Variants in PDE2A observed in about 807,000 individuals in gnomAD.
PDE2A encodes the protein phosphodiesterase 2A, also known as cGMP-dependent 3',5'-cyclic phosphodiesterase.
Under a neutral mutation model 133.6 loss-of-function variants are expected in PDE2A, and 53 were observed. The ratio of observed to expected loss-of-function variants is 0.40; its 90% confidence interval spans 0.32 to 0.50. PDE2A has a LOEUF of 0.50. Among genes scored for constraint, PDE2A ranks in the 20% least tolerant of loss-of-function variants. PDE2A has a pLI of 0.73. For missense variants in PDE2A, 796 were observed against 1,232.4 expected, an observed-to-expected ratio of 0.65 and a Z score of 5.30; for synonymous variants, 491 against 490.2, an observed-to-expected ratio of 1.00 and a Z score of -0.02.
intron 2 of PDE2A, among the ~76,000 whole-genome samples, chr11:72,620,635 G>T (rs777509347): frequency 6.6e-6 from 1 of 152,130 alleles, no homozygotes; most frequent in Non-Finnish European, 1.5e-5. Flanking sequence ...TCAGCTGCGG[G>T]TATGGACTCC....
intron 4 of PDE2A, among the ~76,000 whole-genome samples, chr11:72,604,045 G>T (rs1466931798): frequency 6.6e-6 from 1 of 152,232 alleles, no homozygotes; most frequent in Non-Finnish European, 1.5e-5. Flanking sequence ...CACCTGGCCT[G>T]CTGGAAAAGC....
intron 1 of PDE2A, among the ~76,000 whole-genome samples, chr11:72,654,222 G>C (rs1267931095): frequency 6.6e-6 from 1 of 152,210 alleles, no homozygotes; most frequent in Non-Finnish European, 1.5e-5. Context: ...GCTGGGACCA[G>C]GGGAGGCAGG....
intron 13 of PDE2A, among the ~76,000 whole-genome samples, chr11:72,586,532 G>A (rs368483433): frequency 3.3e-5 from 5 of 152,318 alleles, no homozygotes; most frequent in African/African-American, 1.2e-4. Context: ...GGGGAGGGGC[G>A]GTGGCACTGC....
intron 2 of PDE2A, among the ~76,000 whole-genome samples, chr11:72,613,092 C>T (rs1486270960): frequency 6.6e-6 from 1 of 152,146 alleles, no homozygotes; most frequent in Non-Finnish European, 1.5e-5. Flanking sequence ...GGGTTGGGGT[C>T]GCTGCCATAA....
At chr11:72,658,440 G>A (rs1854960261) in intron 1 of PDE2A, among the ~76,000 whole-genome samples, 1 of 152,042 alleles carries the variant, frequency 6.6e-6, no homozygotes, top group Non-Finnish European at 1.5e-5. Context: ...ACTCCCACCT[G>A]TGAGGCACCC....
At chr11:72,672,997 C>A (rs556277428) in intron 1 of PDE2A, among the ~76,000 whole-genome samples, 3 of 151,978 alleles carry the variant, frequency 2.0e-5, no homozygotes, top group Non-Finnish European at 2.9e-5. Flanking sequence ...CACACACACA[C>A]CAGCCACAGA....
intron 3 of PDE2A, among the ~76,000 whole-genome samples, chr11:72,606,370 T>G (rs1277008884): frequency 6.6e-6 from 1 of 152,126 alleles, no homozygotes. Context: ...TCAGTAAGTG[T>G]GGAATCCTTC....
chr11:72,606,883 T>C (rs1856992698), intron 3 of PDE2A, among the ~76,000 whole-genome samples: 1 of 152,140 alleles, frequency 6.6e-6, no homozygotes. Context: ...CCCTCTGGGT[T>C]AAAATTAGCT....
At chr11:72,591,486 G>T in intron 6 of PDE2A, 130 bp from the exon 7 acceptor site, 1 of 696,130 alleles carries the variant, frequency 1.4e-6, no homozygotes, top group Non-Finnish European at 2.6e-6. Context: ...GGGCCTCAGT[G>T]ATAACCCCAT....
rs1370971450 is a variant in PDE2A at position 72,590,041 on chromosome 11, A to G, written c.757-60T>C. On this transcript the variant is annotated intron_variant, in intron 9 of 30. Coordinates refer to ENST00000334456, the MANE Select transcript of PDE2A (RefSeq NM_002599.5). This position sits in a 1 kb window ranked among gnomAD's most constrained non-coding sequence, Gnocchi z 4.8. The stretch of plus-strand genomic sequence containing the variant: ...GCGGATCCGGGTCACCCCACTCCCC[A>G]CCTGCTCCCCTCTCCGGGGCTCTTC... 1.4e-5 allele frequency: 20 copies of G among 1,470,938 alleles called. No homozygotes were observed. Among genetic ancestry groups the G allele is most frequent in the Non-Finnish European group, 1.9e-5 (20 of 1,072,642 alleles). 91.1% of individuals were successfully genotyped at this position (1,470,938 alleles called of 1,614,324 possible). A position where few individuals can be genotyped will look rare whatever the true frequency, so the allele number is the denominator to read the frequency against.
intron 2 of PDE2A, among the ~76,000 whole-genome samples, chr11:72,614,912 G>C (rs184194724): frequency 6.6e-6 from 1 of 152,042 alleles, no homozygotes; most frequent in South Asian, 2.1e-4. Flanking sequence ...CACTCGCAGC[G>C]CAGGAGCCCA....
chr11:72,615,531 G>C (rs527321829), intron 2 of PDE2A, among the ~76,000 whole-genome samples: 70 of 152,216 alleles, frequency 4.6e-4, no homozygotes, highest in African/African-American at 1.6e-3. Context: ...GTGTGGGGAG[G>C]GGGAGGATGG....
chr11:72,660,649 G>A (rs1481727988), intron 1 of PDE2A, among the ~76,000 whole-genome samples: 1 of 152,120 alleles, frequency 6.6e-6, no homozygotes, highest in African/African-American at 2.4e-5. Context: ...AGAAGTAGAG[G>A]AGCAGAGATC....
rs139030579 is a variant in PDE2A at position 72,587,165 on chromosome 11, G to A, written c.1071-984C>T. On this transcript the variant is annotated intron_variant, in intron 13 of 30. Transcript: ENST00000334456. The stretch of plus-strand genomic sequence containing the variant: ...CCTCTATGCCCTGAAAATGAGCTTC[G>A]AGTCTTATGAAATGGGGCCATGACT... Among the ~76,000 whole-genome samples the A allele has an allele frequency of 4.9e-3, 753 of 152,170 alleles. 3 individuals carry two copies. The highest frequency in any genetic ancestry group is 0.017 in the African/African-American group (720 of 41,502).
chr11:72,647,408 G>T (rs905452467), intron 1 of PDE2A, among the ~76,000 whole-genome samples: 36 of 152,224 alleles, frequency 2.4e-4, no homozygotes, highest in African/African-American at 8.7e-4. Context: ...TGCTCAGGAA[G>T]CTGAGGTGGA....
rs163693 is a variant in PDE2A, at chr11:72,649,743, T to A, written c.72-7417A>T. Among the ~76,000 whole-genome samples the A allele has an allele frequency of 7.3e-3, 1,115 of 152,162 alleles. 16 individuals carry two copies. The highest frequency in any genetic ancestry group is 0.025 in the African/African-American group (1,058 of 41,498). On this transcript the variant is annotated intron_variant, in intron 1 of 30. Coordinates refer to ENST00000334456, the MANE Select transcript of PDE2A (RefSeq NM_002599.5). ...TTTCTTACCAGCCGGCTCCTTCCCA[T>A]GTGGGATGGCTGTGCCTGACACAGA...
rs971887163 is a variant in PDE2A, at chr11:72,581,745, C to T, written c.1922+132G>A. 8 of 909,496 alleles carry T rather than the reference C, an allele frequency of 8.8e-6. No homozygotes were observed. In the African/African-American group the frequency reaches 1.1e-4, roughly 13 times the overall value. 56.3% of individuals were successfully genotyped at this position (909,496 alleles called of 1,614,324 possible). ...AGGAATTGCTTCTCATTCATGGATC[C>T]TCCCCACCCCCATAAGACTGGGTCT... On this transcript the variant is annotated intron_variant, in intron 22 of 30. Coordinates refer to ENST00000334456, the MANE Select transcript of PDE2A (RefSeq NM_002599.5).
At chr11:72,613,410 G>T (rs1198051377) in intron 2 of PDE2A, among the ~76,000 whole-genome samples, 2 of 151,618 alleles carry the variant, frequency 1.3e-5, no homozygotes, top group Admixed American at 6.6e-5. Context: ...TAAAGGGAAG[G>T]GTCCTTCTAG....
chr11:72,620,763 G>T (rs1000878289), intron 2 of PDE2A, among the ~76,000 whole-genome samples: 1 of 152,062 alleles, frequency 6.6e-6, no homozygotes, highest in South Asian at 2.1e-4. Context: ...GCAGGAGCCT[G>T]GGCTGGAGGC....
Sources: allele counts gnomAD v4.1 joint callset (sites outside exome capture counted in the v4.1 genomes callset), GRCh38; gene constraint gnomAD v4.1.1; non-coding constraint Gnocchi (gnomAD v3.1); transcripts MANE v1.5; gene names NCBI Gene and HGNC (gene_info 2026-07-23, HGNC 2026-07-21).